Variants in ACTR3C observed in about 807,000 individuals in gnomAD.
The protein encoded by ACTR3C is actin-related protein 3C.
A neutral mutation model predicts 26.3 loss-of-function variants in ACTR3C; 18 were observed. The ratio of observed to expected loss-of-function variants is 0.68; its 90% confidence interval spans 0.47 to 1.01. The LOEUF is 1.01. Among genes scored for constraint, ACTR3C ranks in the 50% least tolerant of loss-of-function variants. The pLI is 0.00. For missense variants in ACTR3C, 184 were observed against 250.7 expected, an observed-to-expected ratio of 0.73 and a Z score of 1.80; for synonymous variants, 55 against 94.5, an observed-to-expected ratio of 0.58 and a Z score of 2.42.
chr7:150,066,899 G>A, the ACTR3C span, among the ~76,000 whole-genome samples: 5 of 152,188 alleles, frequency 3.3e-5, no homozygotes, highest in African/African-American at 4.8e-5. Context: ...GAGGCATTTG[G>A]TATCAGCACT....
the ACTR3C span, among the ~76,000 whole-genome samples, chr7:150,122,258 AAAAAC>A: frequency 0.48 from 72,023 of 150,936 alleles, 18,039 homozygotes; most frequent in African/African-American, 0.65. Flanking sequence ...TCTGCACAGC[AAAAAC>A]AAAACAAAAC....
the ACTR3C span, among the ~76,000 whole-genome samples, chr7:150,087,640 G>A: frequency 6.6e-6 from 1 of 152,170 alleles, no homozygotes; most frequent in Non-Finnish European, 1.5e-5. Flanking sequence ...GCCCGTGGAA[G>A]AGGCTGGAAT....
At chr7:150,073,594 A>G in the ACTR3C span, 2 of 148,140 alleles carry the variant, frequency 1.4e-5, no homozygotes, top group Non-Finnish European at 3.0e-5. Flanking sequence ...TCTCTTTTGC[A>G]TTATTTTCCC....
the ACTR3C span, chr7:150,044,935 T>C: frequency 6.6e-6 from 1 of 152,208 alleles, no homozygotes; most frequent in Non-Finnish European, 1.5e-5. Flanking sequence ...TGGAGATTTC[T>C]CCTGCGCTAA....
the ACTR3C span, among the ~76,000 whole-genome samples, chr7:149,883,828 G>A: frequency 6.6e-5 from 10 of 152,164 alleles, no homozygotes; most frequent in African/African-American, 2.4e-4. Flanking sequence ...GCACTGCTTC[G>A]GAAACCAAAG....
the ACTR3C span, among the ~76,000 whole-genome samples, chr7:150,189,845 A>G: frequency 7.4e-6 from 1 of 134,610 alleles, no homozygotes; most frequent in African/African-American, 2.8e-5. Flanking sequence ...ATGCTTACAA[A>G]TGAACCTGCT....
the ACTR3C span, among the ~76,000 whole-genome samples, chr7:149,968,788 C>T: frequency 2.6e-5 from 4 of 152,100 alleles, no homozygotes; most frequent in African/African-American, 7.2e-5. Flanking sequence ...AAAATTCATG[C>T]AATTCGTATT....
chr7:150,232,694 A>G, the ACTR3C span, among the ~76,000 whole-genome samples: 1,039 of 140,108 alleles, frequency 7.4e-3, 4 homozygotes, highest in African/African-American at 0.02. Context: ...ATGATGGCAG[A>G]TGCCTGTAAT....
At chr7:150,199,725 C>CAAAAAAAAAAAAA in the ACTR3C span, among the ~76,000 whole-genome samples, 1 of 86,086 alleles carries the variant, frequency 1.2e-5, no homozygotes, top group Non-Finnish European at 2.1e-5. Context: ...ATATTTTTAT[C>CAAAAAAAAAAAAA]AAAAAAAAAA....
chr7:149,971,023 G>C, the ACTR3C span, among the ~76,000 whole-genome samples: 5 of 152,144 alleles, frequency 3.3e-5, no homozygotes, highest in Admixed American at 2.0e-4. Context: ...TAATAATCAG[G>C]TACCACAAAG....
At chr7:150,284,893 T>C (rs760342198) in intron 5 of ACTR3C, 48 bp from the exon 6 acceptor site, 5 of 1,550,106 alleles carry the variant, frequency 3.2e-6, no homozygotes, top group Non-Finnish European at 2.6e-6. Context: ...TTCTCTCAAA[T>C]AGAACAACAT....
At chr7:150,077,867 G>T in the ACTR3C span, among the ~76,000 whole-genome samples, 3 of 152,114 alleles carry the variant, frequency 2.0e-5, no homozygotes, top group Admixed American at 6.6e-5. Context: ...TCTTCTTCTG[G>T]CCACCTCTGC....
the ACTR3C span, among the ~76,000 whole-genome samples, chr7:150,139,934 A>G: frequency 2.6e-5 from 4 of 152,308 alleles, no homozygotes; most frequent in African/African-American, 9.6e-5. Context: ...TTGTCCCCAC[A>G]CAGTATGAGG....
the ACTR3C span, among the ~76,000 whole-genome samples, chr7:149,990,235 C>A: frequency 6.6e-6 from 1 of 151,682 alleles, no homozygotes; most frequent in East Asian, 1.9e-4. Flanking sequence ...CCCAGACCTC[C>A]TTCACCCACG....
the ACTR3C span, among the ~76,000 whole-genome samples, chr7:149,885,009 GT>G: frequency 6.8e-3 from 1,031 of 152,152 alleles, 17 homozygotes; most frequent in African/African-American, 0.023. Context: ...AATTCTTTGG[GT>G]TTTTTTGTGG....
the ACTR3C span, among the ~76,000 whole-genome samples, chr7:150,070,142 A>T: frequency 2.0e-5 from 3 of 152,164 alleles, no homozygotes; most frequent in Non-Finnish European, 4.4e-5. Context: ...CACTGTTATG[A>T]TGCAGGAGCT....
At chr7:150,128,892 C>A in the ACTR3C span, among the ~76,000 whole-genome samples, 686 of 151,642 alleles carry the variant, frequency 4.5e-3, 11 homozygotes, top group East Asian at 4.6e-3. Context: ...CAGCTCACTG[C>A]CTAGAGAAAG....
chr7:149,899,349 C>T, the ACTR3C span, among the ~76,000 whole-genome samples: 3 of 141,102 alleles, frequency 2.1e-5, no homozygotes, highest in East Asian at 2.0e-4. Context: ...ATCTCAAATA[C>T]TCTTGACTCT....
the ACTR3C span, among the ~76,000 whole-genome samples, chr7:150,006,343 C>G: frequency 6.6e-6 from 1 of 150,694 alleles, no homozygotes; most frequent in Non-Finnish European, 1.5e-5. Context: ...ACTACAGGCA[C>G]CCGCCACCAC....
Sources: allele counts gnomAD v4.1 joint callset (sites outside exome capture counted in the v4.1 genomes callset), GRCh38; gene constraint gnomAD v4.1.1; transcripts MANE v1.5; gene names NCBI Gene and HGNC (gene_info 2026-07-23, HGNC 2026-07-21).